Variants in SLAMF7 observed in about 807,000 individuals in gnomAD.
SLAMF7 encodes the protein 19A24 protein.
Under a neutral mutation model 34.1 loss-of-function variants are expected in SLAMF7, and 26 were observed. The ratio of observed to expected loss-of-function variants is 0.76; its 90% CI spans 0.56 to 1.06. The LOEUF is 1.06. Among genes scored for constraint, SLAMF7 ranks in the 50% least tolerant of loss-of-function variants. SLAMF7 has a pLI of 0.00. For missense variants in SLAMF7, 399 were observed against 402.5 expected (o/e 0.99, Z 0.07); for synonymous variants, 171 against 156.4 (o/e 1.09, Z -0.70).
At chr1:160,743,677 T>C (rs1215812247) in intron 1 of SLAMF7, among the ~76,000 whole-genome samples, 1 of 151,942 alleles carries the variant, frequency 6.6e-6, no homozygotes, top group Non-Finnish European at 1.5e-5. Flanking sequence ...TCCTCTCGAG[T>C]CTTGTGGGTA....
chr1:160,741,814 G>C (rs779664266), intron 1 of SLAMF7, among the ~76,000 whole-genome samples: 11 of 152,150 alleles, frequency 7.2e-5, no homozygotes, highest in Admixed American at 2.0e-4. Flanking sequence ...TCCTAATCCT[G>C]GCCTTCCACT....
Position 160,752,243 on chromosome 1 carries a change from A to C in SLAMF7, c.931A>C (p.Lys311Gln), listed in dbSNP as rs1398772903. The C allele has an allele frequency of 6.2e-7, 1 of 1,610,744 alleles. No individual in the cohort carries two copies. Among genetic ancestry groups the C allele is most frequent in the African/African-American group, 1.3e-5 (1 of 74,820 alleles). The change falls in exon 6 of 7, where the codon AAA becomes CAA. Residue 311 changes from lysine to glutamine, a missense_variant. By Grantham distance (53) the Lys-to-Gln change is moderately conservative (BLOSUM62 1). Transcript: ENST00000368043. ...GGTTTACTCCACTGTGGAAATACCG[A>C]AAAAGGTAAGAAGCTTTAGAGCTTA... Reference protein sequence around the residue: ...NTVYSTVEIPKKMENPHSLLT... With the variant: ...NTVYSTVEIPQKMENPHSLLT...
rs963166198 is a variant in SLAMF7 at position 160,753,293 on chromosome 1, T to C, written c.*116T>C. The C allele has an allele frequency of 8.0e-6, 7 of 872,520 alleles. No individual in the cohort carries two copies. The highest frequency in any genetic ancestry group is 1.7e-5 in the African/African-American group (1 of 58,672). The allele number at this position is 872,520 out of a possible 1,614,324, so 54.0% of individuals were successfully genotyped here. A position where few individuals can be genotyped will look rare whatever the true frequency, so the allele number is the denominator to read the frequency against. ...AAACATCAAGGAAGAATGAAGAACGTTGACTTTTTTCCAGGATAAATTATC... is the reference window on the plus strand; with the variant it reads ...AAACATCAAGGAAGAATGAAGAACGCTGACTTTTTTCCAGGATAAATTATC... On this transcript the variant is annotated 3_prime_UTR_variant, in exon 7 of 7. Transcript: ENST00000368043.
chr1:160,748,727 A>G (rs976060890), intron 2 of SLAMF7, among the ~76,000 whole-genome samples: 2 of 152,208 alleles, frequency 1.3e-5, no homozygotes, highest in Non-Finnish European at 2.9e-5. Flanking sequence ...GATGGCTGAT[A>G]TGTGCAGTGG....
At chr1:160,740,469 C>G (rs510131) in intron 1 of SLAMF7, among the ~76,000 whole-genome samples, 126,296 of 152,050 alleles carry the variant, frequency 0.83, 52,620 homozygotes, top group East Asian at 0.99. Flanking sequence ...CCTCTGCCCT[C>G]CTCCAGAGGC....
chr1:160,750,476 C>A, intron 4 of SLAMF7, 53 bp downstream of exon 4: 1 of 1,590,330 alleles, frequency 6.3e-7, no homozygotes, highest in Non-Finnish European at 8.6e-7. Context: ...TTCTCCTTCA[C>A]TGATTCAACA....
rs1664417353 is a variant in SLAMF7 at position 160,749,876 on chromosome 1, C to T, written c.432C>T (p.Thr144=). 6.2e-7 allele frequency: 1 copy of T among 1,613,744 alleles called. No homozygotes were observed. The change falls in exon 3 of 7, where the codon ACC becomes ACT. Residue 144 remains threonine, a synonymous_variant. Coordinates refer to ENST00000368043, the MANE Select transcript of SLAMF7 (RefSeq NM_021181.5). ...GTCTGCAGAGCAATAAGAATGGCAC[C>T]TGTGTGACCAATCTGACATGCTGCA... ...TMGLQSNKNG[T]CVTNLTCCME... is the part of the protein sequence containing the mutation.
At chr1:160,752,559 G>A (rs1558061595) in intron 6 of SLAMF7, among the ~76,000 whole-genome samples, 1 of 152,196 alleles carries the variant, frequency 6.6e-6, no homozygotes, top group Non-Finnish European at 1.5e-5. Context: ...GGCTTAGATT[G>A]TGCATGGAAT....
At chr1:160,748,971 TA>T (rs1664345607) in intron 2 of SLAMF7, among the ~76,000 whole-genome samples, 1 of 152,226 alleles carries the variant, frequency 6.6e-6, no homozygotes. Flanking sequence ...ATATTTCTGG[TA>T]AATCTAGACA....
At chr1:160,746,194 G>A (rs1357482129) in intron 1 of SLAMF7, among the ~76,000 whole-genome samples, 2 of 152,138 alleles carry the variant, frequency 1.3e-5, no homozygotes, top group African/African-American at 4.8e-5. Context: ...GAAGAGAAAT[G>A]AATATAGCAA....
At chr1:160,740,290 A>G (rs1367817915) in intron 1 of SLAMF7, among the ~76,000 whole-genome samples, 1 of 151,588 alleles carries the variant, frequency 6.6e-6, no homozygotes, top group Non-Finnish European at 1.5e-5. Flanking sequence ...CTTTAAAAAA[A>G]AAAAACAAAA....
intron 4 of SLAMF7, chr1:160,750,657 T>C (rs1004974319): frequency 2.4e-6 from 1 of 419,190 alleles, no homozygotes; most frequent in Non-Finnish European, 4.3e-6. Context: ...CAGTTCCCTT[T>C]CCAGGGCTCA....
chr1:160,746,135 C>T (rs555753890), intron 1 of SLAMF7, among the ~76,000 whole-genome samples: 2 of 152,258 alleles, frequency 1.3e-5, no homozygotes, highest in East Asian at 1.9e-4. Flanking sequence ...ACAGGAGACA[C>T]TGTACATAAG....
chr1:160,753,215 A>T lies in SLAMF7; in HGVS notation c.*38A>T. 1 of 1,545,710 alleles carries T rather than the reference A, an allele frequency of 6.5e-7. No individual in the cohort carries two copies. The highest frequency in any genetic ancestry group is 8.9e-7 in the Non-Finnish European group (1 of 1,126,586). On this transcript the variant is annotated 3_prime_UTR_variant, in exon 7 of 7. Coordinates refer to ENST00000368043, the MANE Select transcript of SLAMF7 (RefSeq NM_021181.5). ...TCCCCTAAGTCTCTGCTCAAAAAAA[A>T]AACAATTCTCGGCCCAAAGAAAACA...
intron 6 of SLAMF7, 121 bp from the exon 7 acceptor site, chr1:160,752,985 A>G: frequency 1.3e-6 from 1 of 787,200 alleles, no homozygotes; most frequent in Admixed American, 2.0e-5. Context: ...GGGAGCCAGC[A>G]TGCCAGCCGA....
At chr1:160,752,384 C>T (rs1664705638) in intron 6 of SLAMF7, 136 bp downstream of exon 6, 1 of 645,914 alleles carries the variant, frequency 1.5e-6, no homozygotes, top group Admixed American at 2.8e-5. Context: ...TCCCCATTCC[C>T]TTTGCTTAGG....
At chr1:160,748,147 A>T (rs1471837671) in intron 1 of SLAMF7, 47 bp from the exon 2 acceptor site, 1 of 1,579,140 alleles carries the variant, frequency 6.3e-7, no homozygotes, top group East Asian at 2.2e-5. Context: ...GTAATTGGTG[A>T]CAAGGACAGG....
At chr1:160,740,974 C>T (rs893673588) in intron 1 of SLAMF7, among the ~76,000 whole-genome samples, 3 of 152,208 alleles carry the variant, frequency 2.0e-5, no homozygotes, top group African/African-American at 7.2e-5. Context: ...CTGGACCTGG[C>T]ACCAAAGAGA....
At chr1:160,745,122 G>A (rs925108113) in intron 1 of SLAMF7, among the ~76,000 whole-genome samples, 5 of 152,172 alleles carry the variant, frequency 3.3e-5, no homozygotes, top group Non-Finnish European at 5.9e-5. Flanking sequence ...ACATACCCAA[G>A]AAGAGGAATC....
Sources: gnomAD v4.1 joint callset for allele counts (sites outside exome capture counted in the v4.1 genomes callset) on GRCh38, gnomAD v4.1.1 for gene constraint, MANE v1.5 for transcripts, NCBI Gene and HGNC (gene_info 2026-07-23, HGNC 2026-07-21) for gene names.